Variants in ZNF786 observed in about 807,000 individuals in gnomAD.
ZNF786 encodes zinc finger protein 786.
A neutral mutation model predicts 63.1 loss-of-function variants in ZNF786; 56 were observed. The ratio of observed to expected loss-of-function variants is 0.89; its 90% CI spans 0.72 to 1.11. The LOEUF is 1.11. ZNF786 is among the 50% of genes least tolerant of loss of function. ZNF786 has a pLI of 0.00. For synonymous variants in ZNF786, 485 were observed against 406.9 expected, an observed-to-expected ratio of 1.19 and a Z score of -2.31; for missense variants, 1,213 against 1,041.8, an observed-to-expected ratio of 1.16 and a Z score of -2.26.
At chr7:149,078,491 C>A (rs1170294374) in intron 2 of ZNF786, among the ~76,000 whole-genome samples, 1 of 151,940 alleles carries the variant, frequency 6.6e-6, no homozygotes, top group African/African-American at 2.4e-5. Context: ...TTGAGACCAG[C>A]CTGACCAACA....
chr7:149,073,979 G>A (rs1825495231), intron 3 of ZNF786, among the ~76,000 whole-genome samples: 1 of 150,970 alleles, frequency 6.6e-6, no homozygotes, highest in Admixed American at 6.6e-5. Flanking sequence ...TTTTAGTAGA[G>A]TAAGGGTTTC....
Position 149,072,078 on chromosome 7 carries a change from T to C in ZNF786, c.694A>G (p.Ser232Gly), listed in dbSNP as rs763178975. 1.2e-5 allele frequency: 19 copies of C among 1,613,298 alleles called. No individual in the cohort carries two copies. In the Admixed American group the frequency reaches 1.3e-4, roughly 11 times the overall value. Residue 232 changes from serine to glycine, a missense_variant, in exon 4 of 4, where the codon AGC (serine) becomes GGC (glycine). By Grantham distance (56) the Ser-to-Gly change is moderately conservative. Transcript: ENST00000491431. ...AAGTGCCTCTGTACCCGAGGGCTGC[T>C]CCACGGCATCTGCGTCTCCGCCCTC... ...NKRAETQMPW[S>G]SPRVQRHFRC...
intron 1 of ZNF786, among the ~76,000 whole-genome samples, chr7:149,085,480 C>A (rs1472941351): frequency 4.6e-5 from 7 of 152,136 alleles, no homozygotes. Flanking sequence ...ACCTGAGAGG[C>A]TGAGGTGGGA....
intron 1 of ZNF786, among the ~76,000 whole-genome samples, chr7:149,089,000 A>G (rs1825784838): frequency 6.9e-6 from 1 of 144,410 alleles, no homozygotes; most frequent in South Asian, 2.2e-4. Context: ...TCTGTCGCCC[A>G]GGCTGGAGTG....
rs753273469 is a variant in ZNF786 at position 149,071,678 on chromosome 7, G to A, written c.1094C>T (p.Ala365Val). The A allele has an allele frequency of 1.9e-5, 29 of 1,566,424 alleles. No individual in the cohort carries two copies. In the South Asian group the frequency reaches 3.0e-4, roughly 16 times the overall value. Reference protein sequence around the residue: ...EGDTEALQHGAEGPCSCSECG... With the variant: ...EGDTEALQHGVEGPCSCSECG... ...CTCCGAGCAGGAGCAGGGCCCCTCT[G>A]CGCCATGCTGCAGCGCCTCCGTGTC... The change falls in exon 4 of 4, where the codon GCA becomes GTA. Residue 365 changes from alanine to valine, a missense_variant. Transcript: ENST00000491431.
chr7:149,080,437 G>C (rs1825630729), intron 2 of ZNF786, among the ~76,000 whole-genome samples, 154 bp downstream of exon 2: 1 of 152,084 alleles, frequency 6.6e-6, no homozygotes, highest in East Asian at 1.9e-4. Flanking sequence ...TAACAATGTT[G>C]ACAAAAGTAT....
Position 149,071,025 on chromosome 7 carries a change from G to C in ZNF786, c.1747C>G (p.His583Asp). 1.2e-6 allele frequency: 2 copies of C among 1,612,742 alleles called. No homozygotes were observed. The highest frequency in any genetic ancestry group is 8.5e-7 in the Non-Finnish European group (1 of 1,179,884). ...CTCTCCCCGCTGTGCACGCGCAAGT[G>C]CTCCGTGAGCTTGGATTGTCTGGTG... ...GFTRQSKLTE[H>D]LRVHSGERPF... is the part of the protein sequence containing the mutation. Residue 583 changes from histidine (H) to aspartate (D), a missense_variant, in exon 4 of 4, where the codon CAC becomes GAC. His to Asp is a moderately conservative substitution (Grantham distance 81). Coordinates refer to ENST00000491431, the MANE Select transcript of ZNF786 (RefSeq NM_152411.4).
intron 1 of ZNF786, among the ~76,000 whole-genome samples, chr7:149,085,943 A>C (rs892400123): frequency 1.3e-5 from 2 of 152,122 alleles, no homozygotes; most frequent in Non-Finnish European, 2.9e-5. Flanking sequence ...GTATTCTCAG[A>C]CTTTGCTGAA....
chr7:149,089,258 A>C (rs1002460866), intron 1 of ZNF786, among the ~76,000 whole-genome samples: 1 of 151,124 alleles, frequency 6.6e-6, no homozygotes, highest in Non-Finnish European at 1.5e-5. Flanking sequence ...GGCCCTGTTG[A>C]TCATATATGT....
chr7:149,080,450 A>C (rs749373835), intron 2 of ZNF786, 141 bp downstream of exon 2: 128 of 768,622 alleles, frequency 1.7e-4, no homozygotes, highest in Non-Finnish European at 2.3e-4. Flanking sequence ...AAAAGTATTA[A>C]CAATAGATTG....
At chr7:149,085,641 G>A (rs550174059) in intron 1 of ZNF786, among the ~76,000 whole-genome samples, 6 of 152,144 alleles carry the variant, frequency 3.9e-5, no homozygotes, top group Non-Finnish European at 7.3e-5. Context: ...ATTGTCATTG[G>A]TAGTTTGATA....
At position 149,070,282 on chromosome 7, in the gene ZNF786, A is replaced by G; in HGVS notation, c.*141T>C. ...AAGAGAAAATCCTTTGTGGTTCTTC[A>G]TATTCCTAACTTGCATGACACTCTT... On this transcript the variant is annotated 3_prime_UTR_variant, in exon 4 of 4. Transcript: ENST00000491431. 1.9e-6 allele frequency: 2 copies of G among 1,065,590 alleles called. No individual in the cohort carries two copies. The highest frequency in any genetic ancestry group is 1.6e-5 in the South Asian group (1 of 62,158). 66.0% of individuals were successfully genotyped at this position (1,065,590 alleles called of 1,614,324 possible). A position where few individuals can be genotyped will look rare whatever the true frequency, so the allele number is the denominator to read the frequency against.
At chr7:149,088,551 C>T (rs1825773714) in intron 1 of ZNF786, among the ~76,000 whole-genome samples, 1 of 152,176 alleles carries the variant, frequency 6.6e-6, no homozygotes, top group Non-Finnish European at 1.5e-5. Context: ...GTTAAAGATA[C>T]TCATTCTCTC....
chr7:149,088,322 C>T (rs1825770142), intron 1 of ZNF786, among the ~76,000 whole-genome samples: 1 of 152,064 alleles, frequency 6.6e-6, no homozygotes, highest in Non-Finnish European at 1.5e-5. Context: ...TTATTTCAGG[C>T]AGTTTTTAAG....
chr7:149,086,739 G>C (rs1389800318), intron 1 of ZNF786, among the ~76,000 whole-genome samples: 3 of 151,894 alleles, frequency 2.0e-5, no homozygotes, highest in Admixed American at 6.6e-5. Flanking sequence ...TTTTTAACCA[G>C]CTCCCTCAGG....
Position 149,072,076 on chromosome 7 carries a change from G to A in ZNF786, c.696C>T (p.Ser232=). 1 of 1,613,180 alleles carries A rather than the reference G, an allele frequency of 6.2e-7. No individual in the cohort carries two copies. Among genetic ancestry groups the A allele is most frequent in the Non-Finnish European group, 8.5e-7 (1 of 1,179,702 alleles). Residue 232 remains serine, a synonymous_variant, in exon 4 of 4, where the codon AGC becomes AGT. Transcript: ENST00000491431. ...NKRAETQMPW[S]SPRVQRHFRC... ...GGAAGTGCCTCTGTACCCGAGGGCT[G>A]CTCCACGGCATCTGCGTCTCCGCCC...
rs1302659195 is a variant in ZNF786 at position 149,071,218 on chromosome 7, G to A, written c.1554C>T (p.Phe518=). Residue 518 remains phenylalanine, a synonymous_variant, in exon 4 of 4, where the codon TTC becomes TTT. Transcript: ENST00000491431. ...GCTCACGGAGCTTGCACTGGTGGGTGAAGCCTCTGCCACACTCGCTACAGG... is the reference window on the plus strand; with the variant it reads ...GCTCACGGAGCTTGCACTGGTGGGTAAAGCCTCTGCCACACTCGCTACAGG... ...PFSCSECGRG[F]THQCKLREHL... is the part of the protein sequence containing the mutation. The A allele has an allele frequency of 2.5e-6, 4 of 1,611,050 alleles. No individual in the cohort carries two copies. Among genetic ancestry groups the A allele is most frequent in the Non-Finnish European group, 3.4e-6 (4 of 1,178,104 alleles).
intron 1 of ZNF786, among the ~76,000 whole-genome samples, chr7:149,082,166 C>A (rs917464340): frequency 2.0e-5 from 3 of 152,072 alleles, no homozygotes; most frequent in African/African-American, 7.2e-5. Context: ...CTCATGATAG[C>A]GAGTTTTCAC....
intron 2 of ZNF786, among the ~76,000 whole-genome samples, chr7:149,077,443 C>T (rs898411797): frequency 3.9e-5 from 6 of 152,016 alleles, no homozygotes; most frequent in South Asian, 2.1e-4. Flanking sequence ...CTGGCAAACA[C>T]GGTGAAACCC....
Sources: allele counts gnomAD v4.1 joint callset (sites outside exome capture counted in the v4.1 genomes callset), GRCh38; gene constraint gnomAD v4.1.1; transcripts MANE v1.5; gene names NCBI Gene and HGNC (gene_info 2026-07-23, HGNC 2026-07-21).